Variants in SLC28A3 observed in about 807,000 individuals in gnomAD.
The protein encoded by SLC28A3 is solute carrier family 28 member 3.
In SLC28A3, 68 loss-of-function variants were observed where a neutral mutation model predicts 84.2. The ratio of observed to expected loss-of-function variants is 0.81; its 90% confidence interval spans 0.66 to 0.99. The LOEUF is 0.99. SLC28A3 is among the 50% of genes least tolerant of loss of function. The pLI is 0.00. For missense variants in SLC28A3, 712 were observed against 841.5 expected (o/e 0.85, Z 1.90); for synonymous variants, 267 against 303.6 (o/e 0.88, Z 1.25).
the SLC28A3 span, among the ~76,000 whole-genome samples, chr9:84,348,011 A>T: frequency 6.6e-6 from 1 of 151,130 alleles, no homozygotes; most frequent in Non-Finnish European, 1.5e-5. Context: ...GGAGAAGGTA[A>T]GTAAAGAGCC....
chr9:84,338,417 C>G (rs934850541), intron 1 of SLC28A3, among the ~76,000 whole-genome samples: 4 of 152,232 alleles, frequency 2.6e-5, no homozygotes, highest in Admixed American at 1.3e-4. Context: ...GCCTCTGATT[C>G]TCTTGAAAGA....
chr9:84,308,637 G>T (rs919760505), intron 3 of SLC28A3, among the ~76,000 whole-genome samples: 24 of 151,934 alleles, frequency 1.6e-4, no homozygotes, highest in Admixed American at 1.2e-3. Context: ...CTCTAAAAAA[G>T]AAAAAAGAAA....
At chr9:84,281,197 T>C (rs2118046518) in intron 14 of SLC28A3, among the ~76,000 whole-genome samples, 1 of 152,312 alleles carries the variant, frequency 6.6e-6, no homozygotes, top group Middle Eastern at 3.4e-3. Flanking sequence ...TCTGCTACAG[T>C]GTGCCAGGGA....
chr9:84,328,571 C>T (rs1826660240), intron 1 of SLC28A3, among the ~76,000 whole-genome samples: 1 of 152,042 alleles, frequency 6.6e-6, no homozygotes, highest in African/African-American at 2.4e-5. Context: ...CCAGCCTGAC[C>T]AATATGGTGA....
chr9:84,305,813 C>T (rs1268345404), intron 3 of SLC28A3, among the ~76,000 whole-genome samples: 1 of 152,200 alleles, frequency 6.6e-6, no homozygotes, highest in Non-Finnish European at 1.5e-5. Context: ...TCCCCCATCA[C>T]CATCCCCGTT....
chr9:84,283,366 G>GA (rs1413776112), intron 14 of SLC28A3, among the ~76,000 whole-genome samples: 1 of 152,220 alleles, frequency 6.6e-6, no homozygotes, highest in Non-Finnish European at 1.5e-5. Flanking sequence ...CTCTGATAGT[G>GA]AAAAAACAGA....
intron 3 of SLC28A3, among the ~76,000 whole-genome samples, chr9:84,308,693 T>C (rs1825883567): frequency 6.6e-6 from 1 of 152,160 alleles, no homozygotes; most frequent in Admixed American, 6.6e-5. Flanking sequence ...TAAGTAGGAA[T>C]ATAGAAGATG....
intron 14 of SLC28A3, 43 bp from the exon 15 acceptor site, chr9:84,280,925 G>A (rs753587453): frequency 6.3e-7 from 1 of 1,586,974 alleles, no homozygotes. Context: ...AATCTGAGCT[G>A]GCTTAACAAA....
Position 84,288,132 on chromosome 9 carries a change from G to T in SLC28A3, c.1196C>A (p.Ala399Glu). 1.9e-6 allele frequency: 3 copies of T among 1,614,094 alleles called. No homozygotes were observed. Among genetic ancestry groups the T allele is most frequent in the Non-Finnish European group, 2.5e-6 (3 of 1,179,972 alleles). The change falls in exon 12 of 18, where the codon GCG becomes GAG. Residue 399 changes from alanine to glutamate, a missense_variant. Transcript: ENST00000376238. ...AAAGAGTTTAGCAGCAGCCAATGAC[G>T]CAGGTGCTGACATAACTGACGCTGT... ...LLTASVMSAPASLAAAKLFWP... is the reference protein window; with the variant it reads ...LLTASVMSAPESLAAAKLFWP...
rs45621433 is a variant in SLC28A3 at position 84,309,687 on chromosome 9, C to T, written c.184G>A (p.Asp62Asn). The change falls in exon 3 of 18, where the codon GAT becomes AAT. Residue 62 changes from aspartate to asparagine, a missense_variant. Physicochemically the swap from Asp to Asn is conservative, Grantham distance 23. Coordinates refer to ENST00000376238, the MANE Select transcript of SLC28A3 (RefSeq NM_001199633.2). Reference sequence around the variant, plus strand: ...ATGTGTTCTCTGTTTCTTGGAGAATCCTGCTCAACTGTGACCTGTTCTTCA... The same window carrying T: ...ATGTGTTCTCTGTTTCTTGGAGAATTCTGCTCAACTGTGACCTGTTCTTCA... Reference protein sequence around the residue: ...QDEEQVTVEQDSPRNREHMED... With the variant: ...QDEEQVTVEQNSPRNREHMED... 1.9e-6 allele frequency: 3 copies of T among 1,613,842 alleles called. No homozygotes were observed. Among genetic ancestry groups the T allele is most frequent in the African/African-American group, 1.3e-5 (1 of 74,854 alleles).
chr9:84,289,673 A>G (rs1170538390), intron 11 of SLC28A3, among the ~76,000 whole-genome samples: 1 of 152,266 alleles, frequency 6.6e-6, no homozygotes, highest in African/African-American at 2.4e-5. Context: ...GTAAAGGGCC[A>G]GAGAATAAAT....
intron 3 of SLC28A3, among the ~76,000 whole-genome samples, chr9:84,307,157 G>A (rs1240286376): frequency 2.4e-4 from 35 of 145,366 alleles, no homozygotes; most frequent in African/African-American, 5.9e-4. Context: ...AAGGCCAGGC[G>A]CGGTGGCTCA....
intron 12 of SLC28A3, among the ~76,000 whole-genome samples, chr9:84,287,811 A>G (rs1825055469): frequency 6.6e-6 from 1 of 152,158 alleles, no homozygotes; most frequent in Non-Finnish European, 1.5e-5. Context: ...CTGTGTTCAT[A>G]CCACTGCACT....
At chr9:84,323,997 T>C (rs190658078) in intron 1 of SLC28A3, among the ~76,000 whole-genome samples, 57 of 152,314 alleles carry the variant, frequency 3.7e-4, no homozygotes, top group Admixed American at 3.7e-3. Flanking sequence ...CCTCTCCTAC[T>C]TCTTTCTTCC....
chr9:84,278,926 G>T (rs1207233293), intron 17 of SLC28A3, among the ~76,000 whole-genome samples: 1 of 151,496 alleles, frequency 6.6e-6, no homozygotes, highest in East Asian at 1.9e-4. Context: ...TAGTTGCAAG[G>T]TTTAAGTGAG....
chr9:84,331,624 C>T (rs117790760), intron 1 of SLC28A3, among the ~76,000 whole-genome samples: 1,963 of 152,266 alleles, frequency 0.013, 25 homozygotes, highest in Non-Finnish European at 0.023. Flanking sequence ...CCAAGACTTT[C>T]GTAAGTGAGT....
the SLC28A3 span, among the ~76,000 whole-genome samples, chr9:84,364,013 A>C: frequency 6.6e-6 from 1 of 151,906 alleles, no homozygotes; most frequent in Non-Finnish European, 1.5e-5. Context: ...GGGGTACATG[A>C]GATGTTTTGA....
At chr9:84,325,112 A>C (rs943602671) in intron 1 of SLC28A3, among the ~76,000 whole-genome samples, 1 of 152,220 alleles carries the variant, frequency 6.6e-6, no homozygotes, top group African/African-American at 2.4e-5. Context: ...AGGATCCCTG[A>C]GGTAAATCAA....
chr9:84,333,268 G>A (rs1826853759), intron 1 of SLC28A3, among the ~76,000 whole-genome samples: 1 of 152,210 alleles, frequency 6.6e-6, no homozygotes, highest in Non-Finnish European at 1.5e-5. Flanking sequence ...CAATTACATT[G>A]CCATGGTGAA....
Sources: gnomAD v4.1 joint callset for allele counts (sites outside exome capture counted in the v4.1 genomes callset) on GRCh38, gnomAD v4.1.1 for gene constraint, MANE v1.5 for transcripts, NCBI Gene and HGNC (gene_info 2026-07-23, HGNC 2026-07-21) for gene names.